The following CSMD3 variants were observed in gnomAD, a reference collection of about 807,000 sequenced individuals.
The protein encoded by CSMD3 is CUB and sushi domain-containing protein 3.
In CSMD3, 177 loss-of-function variants were observed where a neutral mutation model predicts 435.2. That is an observed-to-expected ratio of 0.41 (90% CI 0.36 to 0.46). The LOEUF (loss-of-function observed/expected upper bound fraction) is 0.46, where lower values mean the gene tolerates loss of function less well. Among genes scored for constraint, CSMD3 ranks in the 20% least tolerant of loss-of-function variants. The pLI is 0.34. For missense variants in CSMD3, 4,265 were observed against 4,504.6 expected (o/e 0.95, Z 1.52); for synonymous variants, 1,656 against 1,520.5 (o/e 1.09, Z -2.07).
chr8:112,597,061 A>C lies in CSMD3; in HGVS notation c.3716-9826T>G, dbSNP rs1286218476. Among the ~76,000 whole-genome samples, 5 of 152,186 alleles carry C rather than the reference A, an allele frequency of 3.3e-5. No homozygotes were observed. The South Asian group carries it at 8.3e-4, about 25-fold the overall frequency. ...TAGAGACACAAAAAAGTCTTCAAAA[A>C]ATTAATGAATCCAGGAGCTGGTTTT... On this transcript the variant is annotated intron_variant, in intron 22 of 70. Transcript: ENST00000297405.
chr8:112,268,133 C>A (rs1817126488), intron 59 of CSMD3, among the ~76,000 whole-genome samples: 1 of 152,100 alleles, frequency 6.6e-6, no homozygotes, highest in South Asian at 2.1e-4. Flanking sequence ...AAGGCAGATA[C>A]TTTGACTCTT....
intron 1 of CSMD3, among the ~76,000 whole-genome samples, chr8:113,371,984 T>G (rs2094348436): frequency 6.6e-6 from 1 of 152,130 alleles, no homozygotes; most frequent in Non-Finnish European, 1.5e-5. Flanking sequence ...TAGACTTACA[T>G]GAGTATTAGG....
rs2075993267 is a variant in CSMD3 at position 112,685,608 on chromosome 8, A to C, written c.2280T>G (p.His760Gln). The change falls in exon 15 of 71, where the codon CAT becomes CAG. Residue 760 changes from histidine (H) to glutamine (Q), a missense_variant. His to Gln is a conservative substitution (Grantham distance 24, BLOSUM62 0). This residue lies in a region of CSMD3 where 279 missense variants were observed against 369.0 expected (regional missense o/e 0.76). Coordinates refer to ENST00000297405, the MANE Select transcript of CSMD3 (RefSeq NM_198123.2). ...TIISDPGSRI[H>Q]LSFNDFDLES... ...CCAGGTCAAAGTCATTGAAAGAAAG[A>C]TGTATCCGGCTCCCTGGATCAGAGA... The C allele has an allele frequency of 6.2e-7, 1 of 1,613,934 alleles. No homozygotes were observed. The highest frequency in any genetic ancestry group is 8.5e-7 in the Non-Finnish European group (1 of 1,179,872).
At chr8:113,278,202 C>T (rs1026545569) in intron 3 of CSMD3, among the ~76,000 whole-genome samples, 1 of 151,740 alleles carries the variant, frequency 6.6e-6, no homozygotes, top group African/African-American at 2.4e-5. Context: ...TTGTCTCTTT[C>T]TGAACTTCTT....
chr8:112,480,454 T>TTTGTCCAC (rs1819521736), intron 31 of CSMD3, among the ~76,000 whole-genome samples: 1 of 152,112 alleles, frequency 6.6e-6, no homozygotes, highest in African/African-American at 2.4e-5. Flanking sequence ...TGTTTGGATG[T>TTTGTCCAC]TTGTCCACTT....
chr8:112,774,196 C>A (rs1329495685), intron 13 of CSMD3, among the ~76,000 whole-genome samples: 2 of 151,996 alleles, frequency 1.3e-5, no homozygotes, highest in Non-Finnish European at 2.9e-5. Flanking sequence ...CATCTACAAC[C>A]TTGAAATGAT....
At chr8:113,250,515 T>A (rs1458335356) in intron 3 of CSMD3, among the ~76,000 whole-genome samples, 1 of 152,142 alleles carries the variant, frequency 6.6e-6, no homozygotes, top group African/African-American at 2.4e-5. Flanking sequence ...GATGCTTCAA[T>A]ATTGATTGTA....
At chr8:113,272,254 A>G (rs968151496) in intron 3 of CSMD3, among the ~76,000 whole-genome samples, 4 of 152,088 alleles carry the variant, frequency 2.6e-5, no homozygotes, top group African/African-American at 9.7e-5. Flanking sequence ...TTGAAATATG[A>G]GGATGTGAGA....
At chr8:113,081,012 A>G (rs2089541992) in intron 5 of CSMD3, among the ~76,000 whole-genome samples, 1 of 152,196 alleles carries the variant, frequency 6.6e-6, no homozygotes, top group African/African-American at 2.4e-5. Flanking sequence ...AAAACATAGT[A>G]ACAACATCAT....
At chr8:113,272,853 G>A (rs1385948657) in intron 3 of CSMD3, among the ~76,000 whole-genome samples, 1 of 152,096 alleles carries the variant, frequency 6.6e-6, no homozygotes, top group African/African-American at 2.4e-5. Context: ...AGGCTGGGAA[G>A]GGTAGTGGGG....
intron 9 of CSMD3, among the ~76,000 whole-genome samples, chr8:112,941,687 A>G (rs1485239982): frequency 6.6e-6 from 1 of 151,854 alleles, no homozygotes; most frequent in Non-Finnish European, 1.5e-5. Context: ...TTTTAGTAAC[A>G]TATTATCATT....
At chr8:112,858,144 C>A (rs913926515) in intron 11 of CSMD3, among the ~76,000 whole-genome samples, 5 of 151,538 alleles carry the variant, frequency 3.3e-5, no homozygotes, top group Non-Finnish European at 5.9e-5. Flanking sequence ...TAAGTGATCA[C>A]AAAAATTCCC....
intron 10 of CSMD3, among the ~76,000 whole-genome samples, chr8:112,916,431 G>T (rs1036033372): frequency 1.3e-5 from 2 of 151,466 alleles, no homozygotes; most frequent in East Asian, 1.9e-4. Flanking sequence ...TAATCAAAAT[G>T]GTTTAATAAA....
intron 59 of CSMD3, among the ~76,000 whole-genome samples, chr8:112,270,365 T>TGTGTGTGTGTGTGTGTGTGTTAGGGGTGA (rs1817395826): frequency 6.7e-6 from 1 of 148,584 alleles, no homozygotes; most frequent in African/African-American, 2.5e-5. Context: ...TGTGTGTGTG[T>TGTGTGTGTGTGTGTGTGTGTTAGGGGTGA]GTGTGTGTGT....
At chr8:113,145,281 T>G (rs1278477931) in intron 4 of CSMD3, among the ~76,000 whole-genome samples, 2 of 151,572 alleles carry the variant, frequency 1.3e-5, no homozygotes, top group African/African-American at 4.8e-5. Flanking sequence ...GTGTTTGAGA[T>G]GTAGTGGCCT....
intron 6 of CSMD3, among the ~76,000 whole-genome samples, chr8:112,993,954 G>C (rs1032719277): frequency 1.3e-5 from 2 of 151,772 alleles, no homozygotes; most frequent in African/African-American, 2.4e-5. Flanking sequence ...GAATGTGCTA[G>C]AAATCTATAG....
At chr8:113,079,667 G>C (rs989276257) in intron 5 of CSMD3, among the ~76,000 whole-genome samples, 7 of 151,992 alleles carry the variant, frequency 4.6e-5, no homozygotes, top group Non-Finnish European at 4.4e-5. Context: ...GATAAGGAAA[G>C]GCACACTAGA....
chr8:113,039,944 AACAG>A (rs1273638679), intron 5 of CSMD3, among the ~76,000 whole-genome samples: 5 of 152,220 alleles, frequency 3.3e-5, no homozygotes, highest in Non-Finnish European at 2.9e-5. Context: ...GAGTCAAAAC[AACAG>A]ACAAAGATAT....
At chr8:113,088,806 C>T (rs2089899292) in intron 5 of CSMD3, among the ~76,000 whole-genome samples, 1 of 151,338 alleles carries the variant, frequency 6.6e-6, no homozygotes, top group Non-Finnish European at 1.5e-5. Flanking sequence ...CACATGTATA[C>T]ATATGTAACT....
Sources: gnomAD v4.1 joint callset for allele counts (sites outside exome capture counted in the v4.1 genomes callset) on GRCh38, gnomAD v4.1.1 for gene constraint, gnomAD v4.1.1 regional missense constraint, MANE v1.5 for transcripts, NCBI Gene and HGNC (gene_info 2026-07-23, HGNC 2026-07-21) for gene names.